The following PDGFB variants were observed in gnomAD, a reference collection of about 807,000 sequenced individuals.
PDGFB encodes the protein platelet derived growth factor subunit B.
PDGFB carries 6 observed loss-of-function variants against 29.0 expected under a neutral mutation model. The ratio of observed to expected loss-of-function variants is 0.21; its 90% CI spans 0.11 to 0.41. The LOEUF is 0.41. Ranked by LOEUF, PDGFB falls within the 10% of genes least tolerant of loss-of-function variation. The pLI is 1.00. For synonymous variants in PDGFB, 144 were observed against 140.8 expected (o/e 1.02, Z -0.16); for missense variants, 299 against 341.8 (o/e 0.87, Z 0.99).
rs1932560730 is a variant in PDGFB, at chr22:39,241,152, T to C, written c.63+2749A>G. On this transcript the variant is annotated intron_variant, in intron 1 of 6. Coordinates refer to ENST00000331163, the MANE Select transcript of PDGFB (RefSeq NM_002608.4). ...GTGTGCTGAGGCCAGACGCGTCACG[T>C]GACAGTGGGACTCGCCCTCCTGGAA... 5.6e-6 allele frequency: 3 copies of C among 538,072 alleles called. No individual in the cohort carries two copies. In the South Asian group the frequency reaches 6.8e-5, roughly 12 times the overall value. 33.3% of individuals were successfully genotyped at this position (538,072 alleles called of 1,614,324 possible).
chr22:39,235,248 G>A (rs901976255), intron 2 of PDGFB, among the ~76,000 whole-genome samples: 1 of 152,206 alleles, frequency 6.6e-6, no homozygotes, highest in African/African-American at 2.4e-5. Context: ...AATGGAATTT[G>A]CTCTGAAGAC....
chr22:39,233,326 G>T, intron 3 of PDGFB, 109 bp downstream of exon 3: 2 of 709,512 alleles, frequency 2.8e-6, no homozygotes, highest in East Asian at 6.0e-5. Context: ...GGGGGGAACG[G>T]GAGTTGTAAG....
intron 2 of PDGFB, 108 bp from the exon 3 acceptor site, chr22:39,233,632 G>C: frequency 1.5e-6 from 1 of 656,170 alleles, no homozygotes; most frequent in East Asian, 3.0e-5. Flanking sequence ...CCACTCCAGA[G>C]AACAGTCCCT....
chr22:39,235,360 G>A (rs1329745724), intron 2 of PDGFB, among the ~76,000 whole-genome samples: 2 of 152,316 alleles, frequency 1.3e-5, no homozygotes, highest in East Asian at 3.9e-4. Flanking sequence ...CACGGGCAGG[G>A]CTGCCTGCTG....
At chr22:39,229,413 C>T (rs533255054) in intron 5 of PDGFB, among the ~76,000 whole-genome samples, 2 of 152,356 alleles carry the variant, frequency 1.3e-5, no homozygotes, top group East Asian at 3.9e-4. Flanking sequence ...GCACCCCTGA[C>T]TGATCACCAG....
chr22:39,235,382 G>A (rs941353888), intron 2 of PDGFB, among the ~76,000 whole-genome samples: 7 of 152,220 alleles, frequency 4.6e-5, no homozygotes, highest in Non-Finnish European at 7.3e-5. Flanking sequence ...TCGAGGCCAG[G>A]TGTCCCCAGG....
At chr22:39,235,606 C>A (rs1359540028) in intron 2 of PDGFB, among the ~76,000 whole-genome samples, 172 bp downstream of exon 2, 1 of 152,378 alleles carries the variant, frequency 6.6e-6, no homozygotes, top group African/African-American at 2.4e-5. Flanking sequence ...AGGTACCAAC[C>A]CGCCTGCTGA....
intron 5 of PDGFB, 65 bp from the exon 6 acceptor site, chr22:39,225,912 C>A: frequency 1.3e-6 from 2 of 1,541,116 alleles, no homozygotes; most frequent in Non-Finnish European, 1.8e-6. Flanking sequence ...CCCCACTGAC[C>A]AAGGCCTGCC....
chr22:39,228,893 A>AAAAAAAAAAAAATATATATAT (rs1184799325), intron 5 of PDGFB, among the ~76,000 whole-genome samples: 2 of 132,518 alleles, frequency 1.5e-5, no homozygotes, highest in Non-Finnish European at 3.3e-5. Flanking sequence ...CCTCAAAAAA[A>AAAAAAAAAAAAATATATATAT]ATATATATAT....
chr22:39,225,462 G>T (rs1279907798), intron 6 of PDGFB, 149 bp from the exon 7 acceptor site: 1 of 385,232 alleles, frequency 2.6e-6, no homozygotes, highest in Non-Finnish European at 4.7e-6. Flanking sequence ...GCATTGAGGG[G>T]CTGGGAAGAT....
At position 39,244,139 on chromosome 22, in the gene PDGFB, C is replaced by A; in HGVS notation, c.-176G>T. The A allele has an allele frequency of 3.2e-6, 1 of 308,504 alleles. No homozygotes were observed. Among genetic ancestry groups the A allele is most frequent in the African/African-American group, 2.2e-5 (1 of 45,820 alleles). 19.1% of individuals were successfully genotyped at this position (308,504 alleles called of 1,614,324 possible). ...CATGGCCCCCGGGCGCCGCCGCCCC[C>A]GGCCCCGGCTCCGTCGCTGGGGGGC... is the stretch of plus-strand genomic sequence containing the variant. On this transcript the variant is annotated 5_prime_UTR_variant, in exon 1 of 7. Transcript: ENST00000331163. This position sits in a 1 kb window ranked among gnomAD's most constrained non-coding sequence, Gnocchi z 4.5.
intron 5 of PDGFB, 30 bp downstream of exon 5, chr22:39,230,054 G>C: frequency 6.2e-7 from 1 of 1,610,142 alleles, no homozygotes. Flanking sequence ...GGGGAAGGGG[G>C]CTGAGGGCTG....
In PDGFB at chr22:39,230,229, C is replaced by T; in HGVS notation, c.457-1G>A. ...TCCGCACAATCTCGATCTTTCTCACCTGGAGGACAGAGCCACAAAATGCCT... is the reference window on the plus strand; with the variant it reads ...TCCGCACAATCTCGATCTTTCTCACTTGGAGGACAGAGCCACAAAATGCCT... On this transcript the variant is annotated splice_acceptor_variant, in intron 4 of 6. Transcript: ENST00000331163. LOFTEE classifies it high-confidence loss of function. 6.2e-7 allele frequency: 1 copy of T among 1,613,702 alleles called. No homozygotes were observed. The highest frequency in any genetic ancestry group is 8.5e-7 in the Non-Finnish European group (1 of 1,180,026).
intron 1 of PDGFB, among the ~76,000 whole-genome samples, chr22:39,236,870 C>T (rs73884882): frequency 2.0e-5 from 3 of 152,176 alleles, no homozygotes; most frequent in African/African-American, 4.8e-5. Flanking sequence ...CAAACACACA[C>T]GTGCAGGCAC....
rs1415242276 is a variant in PDGFB, at chr22:39,231,659, T to C, written c.419A>G (p.Gln140Arg). 3 of 1,588,004 alleles carry C rather than the reference T, an allele frequency of 1.9e-6. No homozygotes were observed. Among genetic ancestry groups the C allele is most frequent in the South Asian group, 1.1e-5 (1 of 87,282 alleles). Reference protein sequence around the residue: ...CSGCCNNRNVQCRPTQVQLRP... With the variant: ...CSGCCNNRNVRCRPTQVQLRP... ...CAGCTGCACCTGGGTGGGGCGGCAC[T>C]GCACGTTGCGGTTGTTGCAGCAGCC... Residue 140 changes from glutamine (Q) to arginine (R), a missense_variant, in exon 4 of 7, where the codon CAG becomes CGG. Transcript: ENST00000331163. The surrounding 1 kb of genome is among the most constrained non-coding windows in gnomAD (Gnocchi z 4.3).
chr22:39,237,186 C>A (rs532665010), intron 1 of PDGFB, among the ~76,000 whole-genome samples: 23 of 151,688 alleles, frequency 1.5e-4, no homozygotes, highest in Admixed American at 3.9e-4. Flanking sequence ...GGGCTCTCCC[C>A]GAAAGCTCTG....
Position 39,231,880 on chromosome 22 carries a change from C to G in PDGFB, c.251-53G>C, listed in dbSNP as rs1204816477. On this transcript the variant is annotated intron_variant, in intron 3 of 6. Coordinates refer to ENST00000331163, the MANE Select transcript of PDGFB (RefSeq NM_002608.4). This position sits in a 1 kb window ranked among gnomAD's most constrained non-coding sequence, Gnocchi z 4.3. ...AGCGTAGGCCTGTCCAGAGTCCCCCCACTTGGCAGGGGAGCTCAGCGGGTG... is the reference window on the plus strand; with the variant it reads ...AGCGTAGGCCTGTCCAGAGTCCCCCGACTTGGCAGGGGAGCTCAGCGGGTG... 7.9e-6 allele frequency: 12 copies of G among 1,516,482 alleles called. No homozygotes were observed. The highest frequency in any genetic ancestry group is 1.1e-5 in the Non-Finnish European group (12 of 1,111,308). 93.9% of individuals were successfully genotyped at this position (1,516,482 alleles called of 1,614,324 possible).
At chr22:39,239,626 C>T (rs1021381020) in intron 1 of PDGFB, among the ~76,000 whole-genome samples, 16 of 152,086 alleles carry the variant, frequency 1.1e-4, no homozygotes, top group Non-Finnish European at 2.1e-4. Context: ...GAAGCTGTCC[C>T]AAGATCTCAG....
In PDGFB at chr22:39,224,808, C is replaced by T. The variant is rs949923478; in HGVS notation, c.*534G>A. 1 of 152,362 alleles carries T rather than the reference C, an allele frequency of 6.6e-6. No individual in the cohort carries two copies. The highest frequency in any genetic ancestry group is 6.5e-5 in the Admixed American group (1 of 15,272). 9.4% of individuals were successfully genotyped at this position (152,362 alleles called of 1,614,324 possible). A position where few individuals can be genotyped will look rare whatever the true frequency, so the allele number is the denominator to read the frequency against. On this transcript the variant is annotated 3_prime_UTR_variant, in exon 7 of 7. Coordinates refer to ENST00000331163, the MANE Select transcript of PDGFB (RefSeq NM_002608.4). ...GACGAGGTGACTGGTGTTTGGGCAC[C>T]GTGGGAGGGGTTTTCTCCAGTCTGT...
Sources: allele counts gnomAD v4.1 joint callset (sites outside exome capture counted in the v4.1 genomes callset), GRCh38; gene constraint gnomAD v4.1.1; non-coding constraint Gnocchi (gnomAD v3.1); transcripts MANE v1.5; gene names NCBI Gene and HGNC (gene_info 2026-07-23, HGNC 2026-07-21).